MGAM: variants seen among roughly 807,000 people sequenced by gnomAD.
MGAM encodes maltase-glucoamylase, also known as alpha-1,4-glucosidase.
Under a neutral mutation model 358.8 loss-of-function variants are expected in MGAM, and 253 were observed. The observed-to-expected ratio is 0.71, with a 90% confidence interval of 0.64 to 0.78. The LOEUF (loss-of-function observed/expected upper bound fraction) is 0.78, where lower values mean the gene tolerates loss of function less well. MGAM is among the 30% of genes least tolerant of loss of function. MGAM has a pLI of 0.00. For synonymous variants in MGAM, 1,105 were observed against 1,227.1 expected, an observed-to-expected ratio of 0.90 and a Z score of 2.08; for missense variants, 3,080 against 3,432.6, an observed-to-expected ratio of 0.90 and a Z score of 2.57.
At chr7:142,089,114 G>T (rs1815127518) in intron 57 of MGAM, among the ~76,000 whole-genome samples, 1 of 145,536 alleles carries the variant, frequency 6.9e-6, no homozygotes. Flanking sequence ...AGTGGTCCAA[G>T]CAGCCCACAT....
In MGAM at chr7:142,029,980, GA is replaced by G. The variant is rs1203734467; in HGVS notation, c.1222-381del. On this transcript the variant is annotated intron_variant, in intron 10 of 70. Transcript: ENST00000475668. ...AGTAAAATGAGGGAGATGTGGGAGA[GA>G]GACAGTCTCTTCCCTTCTTTATCTT... 5.3e-5 allele frequency among the ~76,000 whole-genome samples: 8 copies of G among 152,212 alleles called. No individual in the cohort carries two copies. The East Asian group carries it at 1.5e-3, about 29-fold the overall frequency.
intron 22 of MGAM, among the ~76,000 whole-genome samples, 174 bp from the exon 23 acceptor site, chr7:142,050,061 A>G (rs1181190784): frequency 6.6e-6 from 1 of 152,238 alleles, no homozygotes; most frequent in African/African-American, 2.4e-5. Flanking sequence ...TACATTGATG[A>G]ATGAATGAAT....
chr7:142,057,005 C>T (rs769621362), intron 30 of MGAM, 63 bp downstream of exon 30: 1 of 1,471,402 alleles, frequency 6.8e-7, no homozygotes, highest in Non-Finnish European at 9.4e-7. Flanking sequence ...CCAGAGTCCA[C>T]ATTGATTAGT....
intron 57 of MGAM, among the ~76,000 whole-genome samples, chr7:142,087,228 T>C (rs1814839589): frequency 6.9e-6 from 1 of 145,382 alleles, no homozygotes; most frequent in Admixed American, 6.9e-5. Context: ...GCCCAATCCT[T>C]CCTTGGGTTT....
At chr7:142,065,528 AAG>A in intron 38 of MGAM, 58 bp from the exon 39 acceptor site, 1 of 1,613,880 alleles carries the variant, frequency 6.2e-7, no homozygotes, top group Non-Finnish European at 8.5e-7. Context: ...ATCCTTAGGG[AAG>A]AGGTGAGGAG....
chr7:142,032,763 A>T, intron 13 of MGAM, 62 bp from the exon 14 acceptor site: 1 of 993,064 alleles, frequency 1.0e-6, no homozygotes, highest in South Asian at 1.5e-5. Context: ...AAAAGACACC[A>T]TCACGACATC....
In MGAM at chr7:142,088,820, ACCATCTATCTATCTAT is replaced by A. The variant is rs1324784957; in HGVS notation, c.6810+2105_6810+2120del. On this transcript the variant is annotated intron_variant, in intron 57 of 70. Transcript: ENST00000475668. ...ATCTATCATTCTATCCTATCTATGTACCATCTATCTATCTATCTATCTATCTATCTATCTATCTATC... is the reference window on the plus strand; with the variant it reads ...ATCTATCATTCTATCCTATCTATGTACTATCTATCTATCTATCTATCTATC... Among the ~76,000 whole-genome samples the A allele has an allele frequency of 3.4e-3, 276 of 81,242 alleles. 37 individuals are homozygous for A. Among genetic ancestry groups the A allele is most frequent in the Admixed American group, 8.2e-3 (55 of 6,676 alleles). 53.3% of individuals were successfully genotyped at this position (81,242 alleles called of 152,430 possible).
rs539639819 is a variant in MGAM at position 142,045,012 on chromosome 7, A to T, written c.2499-2773A>T. On this transcript the variant is annotated intron_variant, in intron 21 of 70. Transcript: ENST00000475668. Reference sequence around the variant, plus strand: ...TATATACACGTGTAATATATGATATATAATATGTATATTGTATACACGTGT... The same window carrying T: ...TATATACACGTGTAATATATGATATTTAATATGTATATTGTATACACGTGT... Among the ~76,000 whole-genome samples, 284 of 101,062 alleles carry T rather than the reference A, an allele frequency of 2.8e-3. 31 individuals are homozygous for T. The highest frequency in any genetic ancestry group is 9.4e-3 in the African/African-American group (258 of 27,464). 66.3% of individuals were successfully genotyped at this position (101,062 alleles called of 152,430 possible).
chr7:142,086,330 T>C lies in MGAM; in HGVS notation c.6747+2T>C, dbSNP rs1310996412. On this transcript the variant is annotated splice_donor_variant, in intron 56 of 70. Coordinates refer to ENST00000475668, the MANE Select transcript of MGAM (RefSeq NM_001365693.1). LOFTEE classifies it high-confidence loss of function. ...GATGGAGACATTGTCTGGGGAAAGG[T>C]ATAATCCTAAGCGATGATCCAGTAG... 1 of 1,522,604 alleles carries C rather than the reference T, an allele frequency of 6.6e-7. No individual in the cohort carries two copies. The highest frequency in any genetic ancestry group is 1.8e-5 in the Admixed American group (1 of 54,804). The allele number at this position is 1,522,604 out of a possible 1,614,324, so 94.3% of individuals were successfully genotyped here. A position where few individuals can be genotyped will look rare whatever the true frequency, so the allele number is the denominator to read the frequency against.
chr7:142,015,487 A>C (rs1444971612), intron 3 of MGAM, among the ~76,000 whole-genome samples: 6 of 152,128 alleles, frequency 3.9e-5, no homozygotes, highest in African/African-American at 1.4e-4. Flanking sequence ...GGCAAAAAAC[A>C]AAAAGTTATA....
chr7:142,005,639 G>A lies in MGAM; in HGVS notation c.109G>A (p.Glu37Lys), dbSNP rs1805094971. ...SIVLIVLLAK[E>K]SLKSTAPDPG... The stretch of plus-strand genomic sequence containing the variant: ...TGTTCTAATTGTGCTTTTAGCCAAA[G>A]AGTCACTGAAATCAACAGGTAAGAA... The change falls in exon 2 of 71, where the codon GAG becomes AAG. Residue 37 changes from glutamate to lysine, a missense_variant. Glu to Lys is a moderately conservative substitution (Grantham distance 56). Coordinates refer to ENST00000475668, the MANE Select transcript of MGAM (RefSeq NM_001365693.1). 2 of 1,600,498 alleles carry A rather than the reference G, an allele frequency of 1.2e-6. No homozygotes were observed. Among genetic ancestry groups the A allele is most frequent in the Admixed American group, 1.7e-5 (1 of 58,018 alleles).
intron 68 of MGAM, among the ~76,000 whole-genome samples, chr7:142,101,216 T>C (rs1201760577): frequency 6.6e-6 from 1 of 152,140 alleles, no homozygotes; most frequent in Non-Finnish European, 1.5e-5. Flanking sequence ...CCGAATTACA[T>C]GGTTTACTGT....
rs782208449 is a variant in MGAM at position 142,019,365 on chromosome 7, G to A, written c.448+46G>A. On this transcript the variant is annotated intron_variant, in intron 4 of 70. Coordinates refer to ENST00000475668, the MANE Select transcript of MGAM (RefSeq NM_001365693.1). ...ATGCAGGAGGTCCAGACCCTCTGGA[G>A]GTTGACTCTGTATCCCCCAGGGGCA... The A allele has an allele frequency of 4.4e-6, 7 of 1,597,494 alleles. No homozygotes were observed. In the South Asian group the frequency reaches 6.6e-5, roughly 15 times the overall value.
chr7:141,988,007 G>A (rs1331323362), intron 2 of MGAM, among the ~76,000 whole-genome samples: 1 of 152,160 alleles, frequency 6.6e-6, no homozygotes, highest in South Asian at 2.1e-4. Flanking sequence ...GTACTCCGAG[G>A]CTGGGCGTGG....
rs1810298410 is a variant in MGAM at position 142,045,941 on chromosome 7, GTAATATATA to G, written c.2499-1842_2499-1834del. 1.9e-5 allele frequency among the ~76,000 whole-genome samples: 2 copies of G among 107,678 alleles called. 1 individual carries two copies. Among genetic ancestry groups the G allele is most frequent in the African/African-American group, 7.1e-5 (2 of 28,044 alleles). 70.6% of individuals were successfully genotyped at this position (107,678 alleles called of 152,430 possible). ...TATATATTATGTATACATACAATAT[GTAATATATA>G]TTATGTATACATACAATATGTAATA... On this transcript the variant is annotated intron_variant, in intron 21 of 70. Transcript: ENST00000475668.
In MGAM at chr7:142,094,765, G is replaced by T; in HGVS notation, c.7360G>T (p.Gly2454Trp). ...GTTTCAGACGGGAGCAGATATCTGT[G>T]GGTTCTTTCAAGATGCTGAATATGA... is the stretch of plus-strand genomic sequence containing the variant. ...GISYTGADIC[G>W]FFQDAEYEMC... Residue 2454 changes from glycine (G) to tryptophan (W), a missense_variant, in exon 63 of 71, where the codon GGG (glycine) becomes TGG (tryptophan). Coordinates refer to ENST00000475668, the MANE Select transcript of MGAM (RefSeq NM_001365693.1). 1 of 1,613,740 alleles carries T rather than the reference G, an allele frequency of 6.2e-7. No individual in the cohort carries two copies. Among genetic ancestry groups the T allele is most frequent in the Admixed American group, 1.7e-5 (1 of 60,000 alleles).
chr7:142,028,640 G>C (rs1452080739), intron 10 of MGAM, among the ~76,000 whole-genome samples: 2 of 152,136 alleles, frequency 1.3e-5, no homozygotes, highest in African/African-American at 2.4e-5. Flanking sequence ...TTTCTCTTTA[G>C]AGTGGTCATT....
Position 142,095,867 on chromosome 7 carries a change from T to C in MGAM, c.7607+154T>C, listed in dbSNP as rs74481188. ...TTTATTACTCTCTTTAGCACAGTGCTATACATGCCTTAGGTCATTAATAAA... is the reference window on the plus strand; with the variant it reads ...TTTATTACTCTCTTTAGCACAGTGCCATACATGCCTTAGGTCATTAATAAA... On this transcript the variant is annotated intron_variant, in intron 64 of 70. Transcript: ENST00000475668. 4.1e-3 allele frequency: 4,745 copies of C among 1,155,876 alleles called. 113 individuals are homozygous for C. In the African/African-American group the frequency reaches 0.062, roughly 15 times the overall value. 71.6% of individuals were successfully genotyped at this position (1,155,876 alleles called of 1,614,324 possible). A position where few individuals can be genotyped will look rare whatever the true frequency, so the allele number is the denominator to read the frequency against.
intron 49 of MGAM, among the ~76,000 whole-genome samples, chr7:142,079,778 T>A (rs1259031624): frequency 6.8e-6 from 1 of 146,274 alleles, no homozygotes; most frequent in Non-Finnish European, 1.6e-5. Context: ...CAGGACATTG[T>A]CACATTGCCT....
Sources: allele counts gnomAD v4.1 joint callset (sites outside exome capture counted in the v4.1 genomes callset), GRCh38; gene constraint gnomAD v4.1.1; transcripts MANE v1.5; gene names NCBI Gene and HGNC (gene_info 2026-07-23, HGNC 2026-07-21).